The following TMEM26 variants were observed in gnomAD, a reference collection of about 807,000 sequenced individuals.
TMEM26 encodes transmembrane protein 26.
A neutral mutation model predicts 28.8 loss-of-function variants in TMEM26; 38 were observed. The ratio of observed to expected loss-of-function variants is 1.32; its 90% confidence interval spans 1.02 to 1.73. TMEM26 has a LOEUF of 1.73. Ranked by LOEUF, TMEM26 falls within the 40% of genes most tolerant of loss-of-function variation. TMEM26 has a pLI of 0.00. For synonymous variants in TMEM26, 227 were observed against 182.9 expected, an observed-to-expected ratio of 1.24 and a Z score of -1.95; for missense variants, 518 against 447.1, an observed-to-expected ratio of 1.16 and a Z score of -1.43.
chr10:61,428,821 A>G (rs1209195402), intron 4 of TMEM26, 105 bp downstream of exon 4: 2 of 951,492 alleles, frequency 2.1e-6, no homozygotes, highest in Non-Finnish European at 3.2e-6. Context: ...CATATAAAAT[A>G]TACTAAAAAT....
At chr10:61,414,479 A>G (rs1387755584) in intron 4 of TMEM26, 1 of 152,084 alleles carries the variant, frequency 6.6e-6, no homozygotes, top group Non-Finnish European at 1.5e-5. Context: ...AAATGCTTCA[A>G]GTGTAGAGGC....
intron 5 of TMEM26, 58 bp from the exon 6 acceptor site, chr10:61,410,804 A>C (rs1290787313): frequency 6.5e-7 from 1 of 1,540,186 alleles, no homozygotes; most frequent in Non-Finnish European, 8.9e-7. Context: ...CATATAAGAC[A>C]ATGCCATGGG....
At chr10:61,436,968 A>G (rs1032959788) in intron 1 of TMEM26, among the ~76,000 whole-genome samples, 1 of 152,204 alleles carries the variant, frequency 6.6e-6, no homozygotes, top group Non-Finnish European at 1.5e-5. Flanking sequence ...TTAATCCACA[A>G]AAACGTCACT....
intron 2 of TMEM26, among the ~76,000 whole-genome samples, chr10:61,432,360 T>C (rs1215630686): frequency 1.3e-5 from 2 of 152,144 alleles, no homozygotes; most frequent in African/African-American, 4.8e-5. Flanking sequence ...TTTTGTTTCT[T>C]CATTTTGTAT....
chr10:61,444,653 T>TA (rs10711559), intron 1 of TMEM26, among the ~76,000 whole-genome samples: 5,405 of 133,830 alleles, frequency 0.04, 150 homozygotes, highest in African/African-American at 0.069. Context: ...CCTCATAATT[T>TA]AAAAAAAAAA....
At chr10:61,417,736 G>A (rs778921112) in intron 4 of TMEM26, among the ~76,000 whole-genome samples, 6 of 151,898 alleles carry the variant, frequency 4.0e-5, no homozygotes, top group Non-Finnish European at 8.8e-5. Flanking sequence ...TATGTTGGGG[G>A]GAAAAAAGAC....
chr10:61,421,768 T>G (rs1839752321), intron 4 of TMEM26, among the ~76,000 whole-genome samples: 1 of 152,146 alleles, frequency 6.6e-6, no homozygotes, highest in African/African-American at 2.4e-5. Flanking sequence ...CATCTGGAAC[T>G]GTGAGAGAAG....
At chr10:61,452,002 T>C (rs2135344058) in intron 1 of TMEM26, among the ~76,000 whole-genome samples, 1 of 151,898 alleles carries the variant, frequency 6.6e-6, no homozygotes, top group Non-Finnish European at 1.5e-5. Context: ...TATATATATA[T>C]ATATGAAAAC....
At chr10:61,451,259 C>T (rs531529603) in intron 1 of TMEM26, among the ~76,000 whole-genome samples, 165 of 152,272 alleles carry the variant, frequency 1.1e-3, no homozygotes, top group African/African-American at 3.6e-3. Context: ...GGTAAAGTTC[C>T]ATTGGCTATA....
intron 1 of TMEM26, among the ~76,000 whole-genome samples, chr10:61,445,364 C>G (rs1050950937): frequency 1.3e-5 from 2 of 152,180 alleles, no homozygotes; most frequent in Non-Finnish European, 2.9e-5. Flanking sequence ...AACCCCACCC[C>G]CTCTTCCAGG....
rs1427248084 is a variant in TMEM26 at position 61,415,153 on chromosome 10, T to C, written c.606-1618A>G. 1.0e-5 allele frequency: 10 copies of C among 985,124 alleles called. No homozygotes were observed. In the East Asian group the frequency reaches 1.1e-3, roughly 112 times the overall value. The allele number at this position is 985,124 out of a possible 1,614,324, so 61.0% of individuals were successfully genotyped here. Reference sequence around the variant, plus strand: ...CAGGATTCCAAAAGAAGTAACTGGATGACCTAGATTAGAATAGAATTGGAT... The same window carrying C: ...CAGGATTCCAAAAGAAGTAACTGGACGACCTAGATTAGAATAGAATTGGAT... On this transcript the variant is annotated intron_variant, in intron 4 of 5. Transcript: ENST00000399298.
At chr10:61,432,125 A>G (rs77491025) in intron 2 of TMEM26, among the ~76,000 whole-genome samples, 88 of 151,918 alleles carry the variant, frequency 5.8e-4, no homozygotes, top group Admixed American at 1.2e-3. Flanking sequence ...GTGTGTGTAT[A>G]TAGTATTTTA....
rs1450335913 is a variant in TMEM26, at chr10:61,409,838, A to G, written c.*484T>C. 6.2e-6 allele frequency: 1 copy of G among 160,548 alleles called. No individual in the cohort carries two copies. Among genetic ancestry groups the G allele is most frequent in the Non-Finnish European group, 1.4e-5 (1 of 73,110 alleles). 9.9% of individuals were successfully genotyped at this position (160,548 alleles called of 1,614,324 possible). On this transcript the variant is annotated 3_prime_UTR_variant, in exon 6 of 6. Coordinates refer to ENST00000399298, the MANE Select transcript of TMEM26 (RefSeq NM_178505.8). Reference sequence around the variant, plus strand: ...GAGATTTTCGCTTCTTCCAGCCCACAGTGAGGTAATTTTAAAGGCACTTTT... The same window carrying G: ...GAGATTTTCGCTTCTTCCAGCCCACGGTGAGGTAATTTTAAAGGCACTTTT...
chr10:61,417,295 T>C (rs1026087343), intron 4 of TMEM26, among the ~76,000 whole-genome samples: 1 of 151,974 alleles, frequency 6.6e-6, no homozygotes, highest in African/African-American at 2.4e-5. Flanking sequence ...ACTTTTCTAT[T>C]TGAAAAAAAT....
rs368597764 is a variant in TMEM26 at position 61,410,453 on chromosome 10, G to A, written c.976C>T (p.His326Tyr). Reference protein sequence around the residue: ...RSQSEGLKGEHGCRAQTSESG... With the variant: ...RSQSEGLKGEYGCRAQTSESG... ...TCAGAGGTCTGTGCCCGGCAACCATGTTCTCCTTTCAGGCCTTCTGACTGA... is the reference window on the plus strand; with the variant it reads ...TCAGAGGTCTGTGCCCGGCAACCATATTCTCCTTTCAGGCCTTCTGACTGA... The change falls in exon 6 of 6, where the codon CAT becomes TAT. Residue 326 changes from histidine to tyrosine, a missense_variant. Physicochemically the swap from His to Tyr is moderately conservative, Grantham distance 83. Coordinates refer to ENST00000399298, the MANE Select transcript of TMEM26 (RefSeq NM_178505.8). 19 of 1,614,090 alleles carry A rather than the reference G, an allele frequency of 1.2e-5. No homozygotes were observed. In the African/African-American group the frequency reaches 1.2e-4, roughly 10 times the overall value.
chr10:61,419,691 G>A (rs1417377976), intron 4 of TMEM26, among the ~76,000 whole-genome samples: 1 of 152,072 alleles, frequency 6.6e-6, no homozygotes, highest in African/African-American at 2.4e-5. Flanking sequence ...TCAGAGACCT[G>A]TGGAACACAG....
intron 4 of TMEM26, among the ~76,000 whole-genome samples, chr10:61,425,391 G>A (rs1839814671): frequency 6.6e-6 from 1 of 152,008 alleles, no homozygotes. Context: ...TTAGAGTTAG[G>A]AAAATAGTTC....
intron 4 of TMEM26, among the ~76,000 whole-genome samples, chr10:61,419,779 T>A (rs1192499280): frequency 6.6e-6 from 1 of 151,824 alleles, no homozygotes; most frequent in Non-Finnish European, 1.5e-5. Context: ...AGAGAAATAA[T>A]GGATGAAAAT....
At chr10:61,431,417 G>C (rs1056795211) in intron 2 of TMEM26, 85 bp from the exon 3 acceptor site, 28 of 949,190 alleles carry the variant, frequency 2.9e-5, no homozygotes, top group Non-Finnish European at 3.9e-5. Flanking sequence ...CTGTTCAAGA[G>C]ATTATGAGCA....
Sources: gnomAD v4.1 joint callset for allele counts (sites outside exome capture counted in the v4.1 genomes callset) on GRCh38, gnomAD v4.1.1 for gene constraint, MANE v1.5 for transcripts, NCBI Gene and HGNC (gene_info 2026-07-23, HGNC 2026-07-21) for gene names.